Variants in NEK11 observed in about 807,000 individuals in gnomAD.
NEK11 encodes NIMA related kinase 11, also known as serine/threonine-protein kinase Nek11.
NEK11 carries 72 observed loss-of-function variants against 80.7 expected under a neutral mutation model. The ratio of observed to expected loss-of-function variants is 0.89; its 90% CI spans 0.74 to 1.08. The LOEUF (loss-of-function observed/expected upper bound fraction) is 1.08. Ranked by LOEUF, NEK11 falls within the 50% of genes least tolerant of loss-of-function variation. The probability of loss-of-function intolerance (pLI) is 0.00; values close to 1 mark genes in which losing one functional copy is unlikely to be tolerated. For synonymous variants in NEK11, 251 were observed against 260.7 expected (o/e 0.96, Z 0.36); for missense variants, 764 against 763.6 (o/e 1.00, Z -0.01).
chr3:131,066,671 T>TA lies in NEK11; in HGVS notation c.171-13743dup, dbSNP rs1019809626. 1.2e-4 allele frequency among the ~76,000 whole-genome samples: 18 copies of TA among 149,730 alleles called. No homozygotes were observed. In the East Asian group the frequency reaches 1.6e-3, roughly 13 times the overall value. On this transcript the variant is annotated intron_variant, in intron 3 of 17. Transcript: ENST00000383366. ...CAACATGGTGAAACCCCATATCTAC[T>TA]AAAAAAAAATAAATACAAAAATTAG... is the stretch of plus-strand genomic sequence containing the variant.
chr3:131,088,701 T>TA (rs1355671134), intron 4 of NEK11, among the ~76,000 whole-genome samples: 2 of 152,204 alleles, frequency 1.3e-5, no homozygotes, highest in Non-Finnish European at 2.9e-5. Flanking sequence ...AAAAGAACAC[T>TA]ATCTCTAAAA....
intron 14 of NEK11, among the ~76,000 whole-genome samples, chr3:131,204,903 T>G (rs2094397788): frequency 6.6e-6 from 1 of 152,146 alleles, no homozygotes; most frequent in Admixed American, 6.6e-5. Flanking sequence ...GGAGAGGGCA[T>G]TGAACCTTGT....
chr3:131,099,057 G>A (rs1578235383), intron 4 of NEK11, among the ~76,000 whole-genome samples: 1 of 152,136 alleles, frequency 6.6e-6, no homozygotes, highest in Non-Finnish European at 1.5e-5. Context: ...CAAGACCAAT[G>A]TCAAGAAGGG....
chr3:131,337,811 G>A (rs1287496406), intron 17 of NEK11, among the ~76,000 whole-genome samples: 2 of 152,038 alleles, frequency 1.3e-5, no homozygotes, highest in East Asian at 3.9e-4. Context: ...TCCATGTAGT[G>A]CCATTTAGTG....
chr3:131,311,424 A>C (rs2096781432), intron 17 of NEK11, among the ~76,000 whole-genome samples: 1 of 152,172 alleles, frequency 6.6e-6, no homozygotes, highest in African/African-American at 2.4e-5. Context: ...CCACACAAGA[A>C]AGCCCAAGAC....
intron 4 of NEK11, among the ~76,000 whole-genome samples, chr3:131,096,277 T>C (rs1307325539): frequency 6.6e-6 from 1 of 152,080 alleles, no homozygotes; most frequent in Non-Finnish European, 1.5e-5. Flanking sequence ...ACATGTGATA[T>C]TTGGTTTTCT....
intron 10 of NEK11, 101 bp downstream of exon 10, chr3:131,155,222 C>G: frequency 1.4e-6 from 1 of 726,672 alleles, no homozygotes; most frequent in South Asian, 1.9e-5. Context: ...ATCGAGTATC[C>G]TAGAATTCAC....
chr3:131,095,471 C>G (rs2077293153), intron 4 of NEK11, among the ~76,000 whole-genome samples: 1 of 151,996 alleles, frequency 6.6e-6, no homozygotes, highest in South Asian at 2.1e-4. Flanking sequence ...GGTTAAATGT[C>G]TGATGAAAAT....
chr3:131,193,981 C>G (rs1292016720), intron 14 of NEK11, among the ~76,000 whole-genome samples: 12 of 152,140 alleles, frequency 7.9e-5, no homozygotes, highest in Admixed American at 7.9e-4. Context: ...CCTTGGAAAG[C>G]TGTAGTATCA....
At chr3:131,264,507 A>G (rs2096006361) in intron 16 of NEK11, among the ~76,000 whole-genome samples, 1 of 152,142 alleles carries the variant, frequency 6.6e-6, no homozygotes, top group Non-Finnish European at 1.5e-5. Flanking sequence ...AGGTTTGTCA[A>G]AGATCAGATG....
chr3:131,232,635 G>A (rs779374701), intron 15 of NEK11, among the ~76,000 whole-genome samples: 1 of 152,132 alleles, frequency 6.6e-6, no homozygotes, highest in African/African-American at 2.4e-5. Context: ...GAAATTCTTA[G>A]GAAAAACAAT....
intron 16 of NEK11, among the ~76,000 whole-genome samples, chr3:131,257,370 G>A (rs16836245): frequency 0.11 from 16,530 of 152,010 alleles, 1,477 homozygotes; most frequent in African/African-American, 0.24. Flanking sequence ...GTTAGTCTTC[G>A]GCATTCATGG....
At chr3:131,339,885 T>G (rs2097259310) in intron 17 of NEK11, among the ~76,000 whole-genome samples, 1 of 152,118 alleles carries the variant, frequency 6.6e-6, no homozygotes, top group African/African-American at 2.4e-5. Context: ...AAGACACTAC[T>G]CCTGAAGTCA....
intron 16 of NEK11, among the ~76,000 whole-genome samples, chr3:131,258,948 G>A (rs1360946911): frequency 2.0e-5 from 3 of 152,120 alleles, no homozygotes; most frequent in Non-Finnish European, 4.4e-5. Flanking sequence ...TGGGGAGGTA[G>A]TGTAAATTTG....
chr3:131,337,475 G>T (rs2097205198), intron 17 of NEK11, among the ~76,000 whole-genome samples: 1 of 151,548 alleles, frequency 6.6e-6, no homozygotes, highest in East Asian at 1.9e-4. Context: ...TGGGGTGGGG[G>T]GAGTGGGGAG....
At chr3:131,301,319 T>C (rs535684913) in intron 17 of NEK11, among the ~76,000 whole-genome samples, 2 of 152,290 alleles carry the variant, frequency 1.3e-5, no homozygotes, top group South Asian at 2.1e-4. Flanking sequence ...TCATATTATC[T>C]ACAAACAGAT....
intron 16 of NEK11, among the ~76,000 whole-genome samples, chr3:131,257,227 C>T (rs1443763236): frequency 6.6e-6 from 1 of 151,188 alleles, no homozygotes; most frequent in Non-Finnish European, 1.5e-5. Context: ...AACCCCTGGG[C>T]TCAAGTGGTT....
intron 10 of NEK11, among the ~76,000 whole-genome samples, chr3:131,158,551 G>A (rs1301128722): frequency 6.6e-6 from 1 of 152,152 alleles, no homozygotes; most frequent in Non-Finnish European, 1.5e-5. Context: ...TCCCTGCCCT[G>A]AGTGGCCACC....
At chr3:131,212,068 C>CTT (rs1201960329) in intron 14 of NEK11, among the ~76,000 whole-genome samples, 1 of 152,188 alleles carries the variant, frequency 6.6e-6, no homozygotes. Flanking sequence ...AATTATCAGA[C>CTT]TTTCTTCTCT....
Sources: gnomAD v4.1 joint callset for allele counts (sites outside exome capture counted in the v4.1 genomes callset) on GRCh38, gnomAD v4.1.1 for gene constraint, MANE v1.5 for transcripts, NCBI Gene and HGNC (gene_info 2026-07-23, HGNC 2026-07-21) for gene names.